The following DOCK5 variants were observed in gnomAD, a reference collection of about 807,000 sequenced individuals.
DOCK5 encodes dedicator of cytokinesis 5.
A neutral mutation model predicts 251.8 loss-of-function variants in DOCK5; 142 were observed. The observed-to-expected ratio is 0.56, with a 90% CI of 0.49 to 0.65. DOCK5 has a LOEUF of 0.65. Ranked by LOEUF, DOCK5 falls within the 30% of genes least tolerant of loss-of-function variation. The pLI, the probability that DOCK5 is intolerant of heterozygous loss-of-function variation, is 0.00. For synonymous variants in DOCK5, 842 were observed against 835.5 expected (o/e 1.01, Z -0.13); for missense variants, 2,111 against 2,312.3 (o/e 0.91, Z 1.79).
intron 13 of DOCK5, among the ~76,000 whole-genome samples, chr8:25,314,094 C>G (rs1419451926): frequency 6.8e-6 from 1 of 147,286 alleles, no homozygotes; most frequent in Non-Finnish European, 1.5e-5. Context: ...TATTTCCTGC[C>G]TCAGGACTCC....
intron 30 of DOCK5, 172 bp downstream of exon 30, chr8:25,364,876 C>G: frequency 2.0e-6 from 1 of 498,778 alleles, no homozygotes; most frequent in Non-Finnish European, 3.6e-6. Flanking sequence ...CCAAACACAA[C>G]AAAATAGGGG....
chr8:25,289,783 C>T (rs906293768), intron 5 of DOCK5, among the ~76,000 whole-genome samples: 1 of 151,828 alleles, frequency 6.6e-6, no homozygotes, highest in Non-Finnish European at 1.5e-5. Flanking sequence ...GGGAGGTTGT[C>T]GTGAGCTGAG....
chr8:25,329,128 T>C (rs1805627221), intron 18 of DOCK5, among the ~76,000 whole-genome samples: 1 of 152,204 alleles, frequency 6.6e-6, no homozygotes, highest in African/African-American at 2.4e-5. Flanking sequence ...TATGTGTTCT[T>C]AAATTCTCTC....
At chr8:25,335,576 A>C (rs1805784743) in intron 21 of DOCK5, among the ~76,000 whole-genome samples, 1 of 151,896 alleles carries the variant, frequency 6.6e-6, no homozygotes, top group Non-Finnish European at 1.5e-5. Flanking sequence ...TTATTATTCT[A>C]GGAAAGCTCA....
At chr8:25,397,303 A>G (rs1801363143) in intron 45 of DOCK5, among the ~76,000 whole-genome samples, 1 of 152,106 alleles carries the variant, frequency 6.6e-6, no homozygotes, top group South Asian at 2.1e-4. Flanking sequence ...CATCCTGTGT[A>G]GAAGGAACAT....
intron 19 of DOCK5, 92 bp from the exon 20 acceptor site, chr8:25,332,511 C>T: frequency 1.6e-6 from 2 of 1,241,690 alleles, no homozygotes; most frequent in South Asian, 1.5e-5. Flanking sequence ...CTATTTTAAA[C>T]CTCTTTGATT....
Position 25,292,116 on chromosome 8 carries a change from G to A in DOCK5, c.414G>A (p.Lys138=), listed in dbSNP as rs768864743. 4 of 1,588,990 alleles carry A rather than the reference G, an allele frequency of 2.5e-6. No homozygotes were observed. Among genetic ancestry groups the A allele is most frequent in the South Asian group, 2.3e-5 (2 of 87,258 alleles). Residue 138 remains lysine (K), a synonymous_variant, in exon 6 of 52, where the codon AAG becomes AAA. Transcript: ENST00000276440. ...AGATCCTGTCTGGGACGCTCCCCAA[G>A]GATGAACTGGCAGAGCTCAAGAAGA... The part of the protein sequence containing the change: ...RSQILSGTLP[K]DELAELKKKV...
intron 3 of DOCK5, among the ~76,000 whole-genome samples, chr8:25,269,953 C>T (rs992979199): frequency 1.3e-5 from 2 of 152,160 alleles, no homozygotes; most frequent in Non-Finnish European, 2.9e-5. Context: ...CCAAAGAGTA[C>T]GGGGCCCAGG....
At chr8:25,194,617 C>T (rs1419351454) in intron 1 of DOCK5, among the ~76,000 whole-genome samples, 1 of 152,086 alleles carries the variant, frequency 6.6e-6, no homozygotes, top group Admixed American at 6.5e-5. Flanking sequence ...AGCCCCAGAC[C>T]CCTTCCCTGT....
At chr8:25,393,135 C>T (rs537069468) in intron 44 of DOCK5, among the ~76,000 whole-genome samples, 244 of 152,156 alleles carry the variant, frequency 1.6e-3, no homozygotes, top group Non-Finnish European at 2.9e-3. Context: ...GTCTGCTCAG[C>T]GATCCTGCCA....
intron 3 of DOCK5, among the ~76,000 whole-genome samples, chr8:25,273,084 T>TGGCACAGTGGCACAGC (rs1563333468): frequency 6.6e-6 from 1 of 152,038 alleles, no homozygotes; most frequent in African/African-American, 2.4e-5. Flanking sequence ...AGTGGCACAG[T>TGGCACAGTGGCACAGC]GGCACAGCGG....
chr8:25,324,956 T>A (rs1195882181), intron 17 of DOCK5, among the ~76,000 whole-genome samples: 1 of 151,982 alleles, frequency 6.6e-6, no homozygotes, highest in Non-Finnish European at 1.5e-5. Context: ...TTCATCCATG[T>A]CCCTACAAAG....
At chr8:25,295,083 G>A (rs747598410) in intron 6 of DOCK5, among the ~76,000 whole-genome samples, 4 of 152,266 alleles carry the variant, frequency 2.6e-5, no homozygotes, top group Non-Finnish European at 4.4e-5. Flanking sequence ...TTATGCTTAA[G>A]CTGAGAGTTT....
chr8:25,378,857 C>A (rs1801012437), intron 38 of DOCK5, among the ~76,000 whole-genome samples: 1 of 152,134 alleles, frequency 6.6e-6, no homozygotes, highest in South Asian at 2.1e-4. Flanking sequence ...TGTTGGCCGG[C>A]TGATAAATAA....
chr8:25,315,282 G>A (rs545359540), intron 13 of DOCK5, among the ~76,000 whole-genome samples: 40 of 151,590 alleles, frequency 2.6e-4, no homozygotes, highest in African/African-American at 9.4e-4. Flanking sequence ...CACTCTCCCT[G>A]ACTGTGCTAA....
chr8:25,309,478 T>C (rs1353832242), intron 12 of DOCK5, among the ~76,000 whole-genome samples: 1 of 152,204 alleles, frequency 6.6e-6, no homozygotes, highest in African/African-American at 2.4e-5. Context: ...CCACCGCCCC[T>C]GGCCTCCATG....
intron 4 of DOCK5, among the ~76,000 whole-genome samples, chr8:25,276,395 G>A (rs536392425): frequency 2.0e-5 from 3 of 152,212 alleles, no homozygotes; most frequent in African/African-American, 7.2e-5. Context: ...TTTGTCCTGG[G>A]AAGTACTGCC....
intron 26 of DOCK5, among the ~76,000 whole-genome samples, 192 bp downstream of exon 26, chr8:25,345,803 G>T (rs1022124233): frequency 3.3e-5 from 5 of 152,016 alleles, no homozygotes; most frequent in African/African-American, 1.2e-4. Flanking sequence ...GGGGCCTTCT[G>T]CAGGCTGATT....
chr8:25,198,390 G>A (rs919911233), intron 1 of DOCK5, among the ~76,000 whole-genome samples: 3 of 152,024 alleles, frequency 2.0e-5, no homozygotes, highest in Non-Finnish European at 4.4e-5. Context: ...TGGCCAACAT[G>A]GTGAAACCCC....
Sources: allele counts gnomAD v4.1 joint callset (sites outside exome capture counted in the v4.1 genomes callset), GRCh38; gene constraint gnomAD v4.1.1; transcripts MANE v1.5; gene names NCBI Gene and HGNC (gene_info 2026-07-23, HGNC 2026-07-21).